The following ALG6 variants were observed in gnomAD, a reference collection of about 807,000 sequenced individuals.
ALG6 encodes the protein ALG6 alpha-1,3-glucosyltransferase, also known as dolichyl pyrophosphate Man9GlcNAc2 alpha-1,3-glucosyltransferase.
ALG6 carries 46 observed loss-of-function variants against 66.6 expected under a neutral mutation model. The observed-to-expected ratio is 0.69, with a 90% CI of 0.55 to 0.88. The LOEUF (loss-of-function observed/expected upper bound fraction) is 0.88. ALG6 is among the 40% of genes least tolerant of loss of function. The probability of loss-of-function intolerance (pLI) is 0.00; values close to 1 mark genes in which losing one functional copy is unlikely to be tolerated. For synonymous variants in ALG6, 185 were observed against 203.7 expected, an observed-to-expected ratio of 0.91 and a Z score of 0.78; for missense variants, 505 against 586.8, an observed-to-expected ratio of 0.86 and a Z score of 1.44.
intron 2 of ALG6, among the ~76,000 whole-genome samples, chr1:63,386,893 G>A (rs1337309040): frequency 6.6e-6 from 1 of 151,884 alleles, no homozygotes; most frequent in Non-Finnish European, 1.5e-5. Context: ...TTTATTTGAA[G>A]TTTTTCTACT....
intron 2 of ALG6, among the ~76,000 whole-genome samples, chr1:63,390,748 G>T (rs1648645975): frequency 1.3e-5 from 2 of 152,154 alleles, no homozygotes; most frequent in Admixed American, 1.3e-4. Flanking sequence ...GCTGAATTCT[G>T]CCCTGTGTTG....
At chr1:63,422,141 A>T (rs1436523921) in intron 12 of ALG6, among the ~76,000 whole-genome samples, 11 of 56,244 alleles carry the variant, frequency 2.0e-4, no homozygotes, top group South Asian at 9.9e-4. Flanking sequence ...ATATATAAAT[A>T]TATATAAATA....
intron 5 of ALG6, among the ~76,000 whole-genome samples, chr1:63,406,064 G>A (rs1232399900): frequency 6.6e-6 from 1 of 152,052 alleles, no homozygotes; most frequent in East Asian, 1.9e-4. Flanking sequence ...AGCAAAGAGA[G>A]AATGTTAGAT....
chr1:63,372,086 T>C (rs1424319337), intron 2 of ALG6, among the ~76,000 whole-genome samples: 1 of 152,162 alleles, frequency 6.6e-6, no homozygotes, highest in African/African-American at 2.4e-5. Flanking sequence ...GCAAATGAAG[T>C]GGAGAAGGTA....
chr1:63,398,182 T>G (rs1276196538), intron 3 of ALG6, among the ~76,000 whole-genome samples: 2 of 152,338 alleles, frequency 1.3e-5, no homozygotes, highest in Middle Eastern at 3.4e-3. Context: ...GAACTTCATA[T>G]TGAGTTTTCT....
intron 12 of ALG6, among the ~76,000 whole-genome samples, chr1:63,427,787 C>CTTT (rs540658412): frequency 1.3e-3 from 144 of 109,918 alleles, no homozygotes; most frequent in African/African-American, 5.6e-3. Context: ...CCCTAAACAA[C>CTTT]TTTTTTTTTT....
At position 63,407,059 on chromosome 1, in the gene ALG6, C is replaced by T. The variant is rs549094888; in HGVS notation, c.430-3C>T. 1.5e-5 allele frequency: 24 copies of T among 1,603,338 alleles called. No homozygotes were observed. In the South Asian group the frequency reaches 2.6e-4, roughly 18 times the overall value. On this transcript the variant is annotated splice_region_variant and splice_polypyrimidine_tract_variant and intron_variant, in intron 6 of 14. Coordinates refer to ENST00000263440, the MANE Select transcript of ALG6 (RefSeq NM_013339.4). Reference sequence around the variant, plus strand: ...TCTTATCTCACAATATTTGTCTTTACAGATTGCTAATGCATTATGCATCTT... The same window carrying T: ...TCTTATCTCACAATATTTGTCTTTATAGATTGCTAATGCATTATGCATCTT...
chr1:63,379,958 A>G (rs1648251593), intron 2 of ALG6, among the ~76,000 whole-genome samples: 1 of 151,920 alleles, frequency 6.6e-6, no homozygotes, highest in Non-Finnish European at 1.5e-5. Flanking sequence ...ATGATGGTTG[A>G]AGCCAGGGGT....
intron 2 of ALG6, among the ~76,000 whole-genome samples, chr1:63,374,410 A>G (rs1648045236): frequency 6.6e-6 from 1 of 152,082 alleles, no homozygotes; most frequent in Non-Finnish European, 1.5e-5. Flanking sequence ...GGCCGATCAC[A>G]TGAGGTCAGG....
In ALG6 at chr1:63,419,362, T is replaced by G; in HGVS notation, c.988-8T>G. The G allele has an allele frequency of 6.2e-7, 1 of 1,606,416 alleles. No homozygotes were observed. On this transcript the variant is annotated splice_region_variant and splice_polypyrimidine_tract_variant and intron_variant, in intron 11 of 14. Coordinates refer to ENST00000263440, the MANE Select transcript of ALG6 (RefSeq NM_013339.4). ...TTATATCTCATTTCCCCCCCTTTTT[T>G]CTTAAAGGTTAGCTGTGCGCTATCA...
At chr1:63,381,229 C>T (rs898286446) in intron 2 of ALG6, among the ~76,000 whole-genome samples, 3 of 152,020 alleles carry the variant, frequency 2.0e-5, no homozygotes, top group Non-Finnish European at 4.4e-5. Flanking sequence ...CCGAGGCAGG[C>T]GGATCATGAG....
chr1:63,408,426 A>G (rs990821902), intron 7 of ALG6, among the ~76,000 whole-genome samples: 4 of 152,168 alleles, frequency 2.6e-5, no homozygotes, highest in African/African-American at 9.6e-5. Flanking sequence ...TAATTCTATC[A>G]CTGAGAGAGT....
chr1:63,392,172 A>ATTTT (rs200471280), intron 2 of ALG6, among the ~76,000 whole-genome samples: 1 of 145,122 alleles, frequency 6.9e-6, no homozygotes. Context: ...TAAAAGGATG[A>ATTTT]TTTTTTTTTT....
intron 7 of ALG6, among the ~76,000 whole-genome samples, chr1:63,407,745 A>G: frequency 6.6e-6 from 1 of 152,084 alleles, no homozygotes; most frequent in East Asian, 1.9e-4. Context: ...ACGACATTAC[A>G]CAGCAACATG....
At chr1:63,411,428 G>C in intron 8 of ALG6, 97 bp downstream of exon 8, 2 of 1,155,226 alleles carry the variant, frequency 1.7e-6, no homozygotes, top group African/African-American at 3.1e-5. Context: ...TTTGCCTTTT[G>C]GTGATTTCTT....
At chr1:63,383,572 C>T (rs113437524) in intron 2 of ALG6, among the ~76,000 whole-genome samples, 2 of 152,236 alleles carry the variant, frequency 1.3e-5, no homozygotes, top group African/African-American at 4.8e-5. Context: ...CATACCACTG[C>T]ACCTGGCTAA....
chr1:63,397,737 A>G (rs906200689), intron 3 of ALG6, among the ~76,000 whole-genome samples: 5 of 152,214 alleles, frequency 3.3e-5, no homozygotes, highest in African/African-American at 1.2e-4. Flanking sequence ...AGTGGTAAAG[A>G]GTGTAGGTGC....
intron 2 of ALG6, among the ~76,000 whole-genome samples, chr1:63,376,727 G>C (rs1359236794): frequency 6.6e-6 from 1 of 152,136 alleles, no homozygotes; most frequent in Non-Finnish European, 1.5e-5. Context: ...ACTTGACCTA[G>C]TATGTAATCA....
At chr1:63,400,255 G>A (rs187156171) in intron 3 of ALG6, among the ~76,000 whole-genome samples, 7 of 2,626 alleles carry the variant, frequency 2.7e-3, no homozygotes, top group South Asian at 0.029. Context: ...GTATATATAT[G>A]TATATATATA....
Sources: gnomAD v4.1 joint callset for allele counts (sites outside exome capture counted in the v4.1 genomes callset) on GRCh38, gnomAD v4.1.1 for gene constraint, MANE v1.5 for transcripts, NCBI Gene and HGNC (gene_info 2026-07-23, HGNC 2026-07-21) for gene names.